The following BRD10 variants were observed in gnomAD, a reference collection of about 807,000 sequenced individuals.
BRD10 encodes the protein uncharacterized bromodomain-containing protein 10.
At chr9:5,896,161 T>C in the BRD10 span, among the ~76,000 whole-genome samples, 45,772 of 152,134 alleles carry the variant, frequency 0.3, 7,158 homozygotes, top group East Asian at 0.48. Context: ...ACTTGCTGGT[T>C]GTGCAGCCCT....
the BRD10 span, among the ~76,000 whole-genome samples, chr9:6,004,863 T>C: frequency 6.6e-6 from 1 of 152,358 alleles, no homozygotes; most frequent in Non-Finnish European, 1.5e-5. Context: ...ACTCAGATTT[T>C]AGGCTAGAAG....
the BRD10 span, among the ~76,000 whole-genome samples, chr9:5,928,243 G>GTATCTGCACTGC: frequency 6.6e-6 from 1 of 151,970 alleles, no homozygotes; most frequent in East Asian, 1.9e-4. Flanking sequence ...CCACTCCTTG[G>GTATCTGCACTGC]TATCTGCACT....
the BRD10 span, chr9:5,929,304 C>A: frequency 2.0e-6 from 1 of 498,612 alleles, no homozygotes; most frequent in South Asian, 4.0e-5. Context: ...GGAAAATATC[C>A]TGTAATAAAT....
chr9:5,954,044 A>T, the BRD10 span: 1 of 1,569,968 alleles, frequency 6.4e-7, no homozygotes, highest in Non-Finnish European at 8.7e-7. Flanking sequence ...AGGTGACTTT[A>T]TGACAGTTTT....
the BRD10 span, chr9:5,897,508 T>TAG: frequency 6.6e-7 from 1 of 1,505,616 alleles, no homozygotes; most frequent in Non-Finnish European, 9.2e-7. Flanking sequence ...CATCATAATG[T>TAG]AGAACAATGT....
chr9:6,001,214 T>G, the BRD10 span, among the ~76,000 whole-genome samples: 1 of 152,240 alleles, frequency 6.6e-6, no homozygotes, highest in Non-Finnish European at 1.5e-5. Flanking sequence ...TATTATCTCT[T>G]GATGGAATTA....
At chr9:5,943,626 A>G in the BRD10 span, among the ~76,000 whole-genome samples, 4 of 152,154 alleles carry the variant, frequency 2.6e-5, no homozygotes, top group African/African-American at 9.6e-5. Context: ...TCACAGCAGT[A>G]AATTTTAATG....
At chr9:5,946,430 T>C in the BRD10 span, among the ~76,000 whole-genome samples, 7 of 152,166 alleles carry the variant, frequency 4.6e-5, no homozygotes, top group South Asian at 1.5e-3. Context: ...AAAGAAATGC[T>C]GATGGTCAAG....
chr9:6,008,109 C>T, the BRD10 span: 5 of 984,350 alleles, frequency 5.1e-6, no homozygotes, highest in Admixed American at 6.2e-5. Flanking sequence ...TGCTCTTCAC[C>T]GGCCAGGCCC....
the BRD10 span, among the ~76,000 whole-genome samples, chr9:5,933,581 A>T: frequency 9.2e-5 from 14 of 152,344 alleles, no homozygotes; most frequent in African/African-American, 3.4e-4. Context: ...TATGGTCACA[A>T]GATTAAGTCC....
chr9:5,924,588 G>C, the BRD10 span: 2 of 838,260 alleles, frequency 2.4e-6, no homozygotes, highest in Non-Finnish European at 1.8e-6. Flanking sequence ...ATTATCTTTT[G>C]CCTTCACAGC....
the BRD10 span, among the ~76,000 whole-genome samples, chr9:5,989,107 G>GT: frequency 6.6e-6 from 1 of 151,838 alleles, no homozygotes. Context: ...GCGCATGCCT[G>GT]TAATTCCAGC....
the BRD10 span, among the ~76,000 whole-genome samples, chr9:5,989,235 T>TAAAAAAAAAA: frequency 8.7e-5 from 4 of 46,184 alleles, no homozygotes; most frequent in African/African-American, 8.3e-5. Context: ...TCTGTCTCAT[T>TAAAAAAAAAA]AAAAAAAAAA....
the BRD10 span, among the ~76,000 whole-genome samples, chr9:5,901,231 T>G: frequency 9.9e-5 from 15 of 152,198 alleles, no homozygotes; most frequent in African/African-American, 3.6e-4. Context: ...GTTTATTGCA[T>G]TAGTTATTTG....
At chr9:6,007,412 C>CGCCCCG in the BRD10 span, 1 of 1,607,536 alleles carries the variant, frequency 6.2e-7, no homozygotes, top group Non-Finnish European at 8.5e-7. Flanking sequence ...AAGGCGCGAC[C>CGCCCCG]GCCCCGGCCC....
At chr9:5,904,585 G>C in the BRD10 span, among the ~76,000 whole-genome samples, 3 of 152,014 alleles carry the variant, frequency 2.0e-5, no homozygotes, top group Non-Finnish European at 4.4e-5. Flanking sequence ...TGATTCTCCT[G>C]TCTCAGCCTC....
chr9:6,007,180 A>G, the BRD10 span: 29 of 1,607,452 alleles, frequency 1.8e-5, no homozygotes, highest in African/African-American at 2.7e-5. Context: ...CCCACCGGGG[A>G]CCGGGCTCGC....
At chr9:5,957,672 A>G in the BRD10 span, among the ~76,000 whole-genome samples, 1 of 152,122 alleles carries the variant, frequency 6.6e-6, no homozygotes, top group African/African-American at 2.4e-5. Context: ...ATTCCTTTTT[A>G]TTAGGGTTGG....
At chr9:6,007,929 C>T in the BRD10 span, 5 of 1,330,792 alleles carry the variant, frequency 3.8e-6, no homozygotes, top group South Asian at 2.0e-5. Context: ...GCCGCCGGCT[C>T]GGCTCGGTGC....
Sources: allele counts gnomAD v4.1 joint callset (sites outside exome capture counted in the v4.1 genomes callset), GRCh38; gene constraint gnomAD v4.1.1; transcripts MANE v1.5; gene names NCBI Gene and HGNC (gene_info 2026-07-23, HGNC 2026-07-21).